SRGAP3: variants seen among roughly 807,000 people sequenced by gnomAD.
The protein encoded by SRGAP3 is SLIT-ROBO Rho GTPase-activating protein 3.
In SRGAP3, 39 loss-of-function variants were observed where a neutral mutation model predicts 121.1. The ratio of observed to expected loss-of-function variants is 0.32; its 90% CI spans 0.25 to 0.42. The LOEUF (loss-of-function observed/expected upper bound fraction) is 0.42, where lower values mean the gene tolerates loss of function less well. Among genes scored for constraint, SRGAP3 ranks in the 10% least tolerant of loss-of-function variants. The probability of loss-of-function intolerance (pLI) is 1.00; values close to 1 mark genes in which losing one functional copy is unlikely to be tolerated. For synonymous variants in SRGAP3, 601 were observed against 570.0 expected (o/e 1.05, Z -0.77); for missense variants, 1,213 against 1,470.6 (o/e 0.82, Z 2.86).
chr3:9,182,639 T>C (rs1265723485), intron 1 of SRGAP3, among the ~76,000 whole-genome samples: 1 of 152,128 alleles, frequency 6.6e-6, no homozygotes, highest in Non-Finnish European at 1.5e-5. Context: ...ATTTTAAAAT[T>C]TTTTTAATTT....
chr3:9,025,379 G>A (rs777352127), intron 13 of SRGAP3, 41 bp from the exon 14 acceptor site: 285 of 1,598,142 alleles, frequency 1.8e-4, no homozygotes, highest in Non-Finnish European at 2.4e-4. Context: ...GTAAATCCAC[G>A]AGACCTTGAG....
intron 12 of SRGAP3, among the ~76,000 whole-genome samples, chr3:9,031,352 C>T (rs530392212): frequency 1.3e-4 from 20 of 152,238 alleles, no homozygotes; most frequent in African/African-American, 4.6e-4. Flanking sequence ...TACAGCCCTG[C>T]CCTCCCATGA....
chr3:9,000,613 G>C (rs530163517), intron 18 of SRGAP3, among the ~76,000 whole-genome samples: 1 of 152,258 alleles, frequency 6.6e-6, no homozygotes, highest in Admixed American at 6.5e-5. Flanking sequence ...ATCCAGTGAT[G>C]GTTCATGAAT....
chr3:9,220,196 C>T lies in SRGAP3; in HGVS notation c.67+28689G>A, dbSNP rs1018847410. 2.6e-5 allele frequency among the ~76,000 whole-genome samples: 4 copies of T among 152,056 alleles called. No individual in the cohort carries two copies. The South Asian group carries it at 8.3e-4, about 32-fold the overall frequency. ...TAGGAGAGAAGATTTCAAATGTTCC[C>T]AACACAAAGAAATTATAAAAGTTTG... On this transcript the variant is annotated intron_variant, in intron 1 of 21. Coordinates refer to ENST00000383836, the MANE Select transcript of SRGAP3 (RefSeq NM_014850.4).
intron 1 of SRGAP3, among the ~76,000 whole-genome samples, chr3:9,159,497 A>G (rs1950534553): frequency 6.6e-6 from 1 of 152,156 alleles, no homozygotes; most frequent in African/African-American, 2.4e-5. Context: ...CCCTGCCGCC[A>G]CATCAGTGAG....
At chr3:9,250,069 C>T (rs1311136151), upstream of SRGAP3, among the ~76,000 whole-genome samples, 1 of 152,186 alleles carries the variant, frequency 6.6e-6, no homozygotes, top group Non-Finnish European at 1.5e-5. Flanking sequence ...GAGTTAAAGG[C>T]ATGCAGCTTA....
intron 10 of SRGAP3, among the ~76,000 whole-genome samples, chr3:9,039,704 T>G (rs1486183902): frequency 6.6e-6 from 1 of 152,232 alleles, no homozygotes; most frequent in African/African-American, 2.4e-5. Context: ...ATTTGCGTAG[T>G]CGAGACATTT....
intron 3 of SRGAP3, among the ~76,000 whole-genome samples, chr3:9,288,134 T>TTG (rs1190247490): frequency 2.0e-5 from 3 of 150,478 alleles, no homozygotes; most frequent in African/African-American, 4.9e-5. Flanking sequence ...ATCTTTGTTT[T>TTG]TTTTTTTTTT....
intron 3 of SRGAP3, among the ~76,000 whole-genome samples, chr3:9,321,772 C>T (rs1182196857): frequency 1.3e-5 from 2 of 151,516 alleles, no homozygotes; most frequent in East Asian, 1.9e-4. Flanking sequence ...GAGGAGAACA[C>T]ATGGACACAT....
intron 1 of SRGAP3, among the ~76,000 whole-genome samples, chr3:9,129,880 G>T (rs1299245193): frequency 1.3e-5 from 2 of 151,608 alleles, no homozygotes; most frequent in Admixed American, 1.3e-4. Flanking sequence ...TCCTTCTTCA[G>T]CCTCCCAAGT....
chr3:9,143,645 G>C (rs576239091), intron 1 of SRGAP3, among the ~76,000 whole-genome samples: 1 of 152,242 alleles, frequency 6.6e-6, no homozygotes, highest in South Asian at 2.1e-4. Context: ...TGTTTGAAAG[G>C]TTGGGGTGCA....
At chr3:9,010,198 C>CTTGG in intron 18 of SRGAP3, 110 bp downstream of exon 18, 1 of 1,284,340 alleles carries the variant, frequency 7.8e-7, no homozygotes, top group Non-Finnish European at 1.1e-6. Flanking sequence ...AGATGGCTGA[C>CTTGG]TTGGAAAGCT....
At chr3:9,198,218 G>T (rs371575704) in intron 1 of SRGAP3, among the ~76,000 whole-genome samples, 4 of 152,184 alleles carry the variant, frequency 2.6e-5, no homozygotes, top group African/African-American at 9.7e-5. Flanking sequence ...TTCCAAAAAA[G>T]TTGAACATTC....
At position 9,032,697 on chromosome 3, in the gene SRGAP3, C is replaced by G. The variant is rs376476983; in HGVS notation, c.1492G>C (p.Val498Leu). 1 of 1,613,418 alleles carries G rather than the reference C, an allele frequency of 6.2e-7. No individual in the cohort carries two copies. Among genetic ancestry groups the G allele is most frequent in the South Asian group, 1.1e-5 (1 of 91,032 alleles). ...QKMRRPRPLSVYSHKLFNGSM... is the reference protein window; with the variant it reads ...QKMRRPRPLSLYSHKLFNGSM... ...CCGTTAAAGAGTTTATGGCTATACA[C>G]TGAGAGAGGCCTAGGTCTCCTCATT... Residue 498 changes from valine to leucine, a missense_variant, in exon 12 of 22, where the codon GTG becomes CTG. Physicochemically the swap from Val to Leu is conservative, Grantham distance 32 (BLOSUM62 1). This residue lies in a region of SRGAP3 where 793 missense variants were observed against 1,032.9 expected (regional missense o/e 0.77). Coordinates refer to ENST00000383836, the MANE Select transcript of SRGAP3 (RefSeq NM_014850.4).
At chr3:9,066,780 T>C (rs375486599) in intron 4 of SRGAP3, among the ~76,000 whole-genome samples, 6 of 152,382 alleles carry the variant, frequency 3.9e-5, no homozygotes, top group East Asian at 1.9e-4. Context: ...ATTACAGGCG[T>C]GAGCCACCAC....
chr3:9,118,610 C>T (rs1948889662), intron 2 of SRGAP3, among the ~76,000 whole-genome samples: 2 of 152,132 alleles, frequency 1.3e-5, no homozygotes, highest in Non-Finnish European at 2.9e-5. Flanking sequence ...CCATTTATTC[C>T]CCAGAAAAAC....
chr3:9,180,291 A>G (rs1364144451), intron 1 of SRGAP3, among the ~76,000 whole-genome samples: 1 of 152,248 alleles, frequency 6.6e-6, no homozygotes, highest in African/African-American at 2.4e-5. Flanking sequence ...GCTGCCCTCA[A>G]GACAGGCTGT....
rs745349915 is a variant in SRGAP3 at position 9,058,502 on chromosome 3, G to A, written c.802-30C>T. ...GGGAGAGGCAACAACGGAAGGTTAT[G>A]GGTGACAGCCAGGATGTGGAGGGGC... On this transcript the variant is annotated intron_variant, in intron 6 of 21. Coordinates refer to ENST00000383836, the MANE Select transcript of SRGAP3 (RefSeq NM_014850.4). The A allele has an allele frequency of 6.2e-6, 10 of 1,608,558 alleles. 1 individual carries two copies. The South Asian group carries it at 8.8e-5, about 14-fold the overall frequency.
intron 15 of SRGAP3, chr3:9,014,355 G>A (rs576321801): frequency 5.6e-6 from 1 of 180,164 alleles, no homozygotes; most frequent in South Asian, 1.3e-4. Flanking sequence ...CAGGGACGAT[G>A]TTTTATTAAA....
Sources: gnomAD v4.1 joint callset for allele counts (sites outside exome capture counted in the v4.1 genomes callset) on GRCh38, gnomAD v4.1.1 for gene constraint, gnomAD v4.1.1 regional missense constraint, MANE v1.5 for transcripts, NCBI Gene and HGNC (gene_info 2026-07-23, HGNC 2026-07-21) for gene names.